Variants in CSGALNACT1 observed in about 807,000 individuals in gnomAD.
The protein encoded by CSGALNACT1 is chondroitin sulfate N-acetylgalactosaminyltransferase 1.
In CSGALNACT1, 52 loss-of-function variants were observed where a neutral mutation model predicts 51.0. That is an observed-to-expected ratio of 1.02 (90% CI 0.82 to 1.29). CSGALNACT1 has a LOEUF of 1.29. CSGALNACT1 is among the 50% of genes most tolerant of loss of function. The pLI is 0.00. For missense variants in CSGALNACT1, 935 were observed against 679.2 expected, an observed-to-expected ratio of 1.38 and a Z score of -4.19; for synonymous variants, 341 against 254.4, an observed-to-expected ratio of 1.34 and a Z score of -3.24.
chr8:19,636,318 G>C (rs1266458364), intron 1 of CSGALNACT1, among the ~76,000 whole-genome samples: 1 of 151,746 alleles, frequency 6.6e-6, no homozygotes, highest in African/African-American at 2.4e-5. Context: ...TCATAGATAA[G>C]TATATATTCA....
intron 1 of CSGALNACT1, among the ~76,000 whole-genome samples, chr8:19,725,280 C>G (rs571687777): frequency 6.6e-6 from 1 of 152,198 alleles, no homozygotes; most frequent in Non-Finnish European, 1.5e-5. Flanking sequence ...GAAGGCATAG[C>G]TATAAGAATC....
chr8:19,706,058 T>C (rs2062145582), intron 1 of CSGALNACT1, among the ~76,000 whole-genome samples: 1 of 152,082 alleles, frequency 6.6e-6, no homozygotes, highest in Non-Finnish European at 1.5e-5. Flanking sequence ...GGAAAAATAC[T>C]AATCAGATCA....
At chr8:19,703,729 G>GC (rs1200415280) in intron 1 of CSGALNACT1, among the ~76,000 whole-genome samples, 2 of 152,188 alleles carry the variant, frequency 1.3e-5, no homozygotes, top group African/African-American at 4.8e-5. Flanking sequence ...CTCATGGTCT[G>GC]CATGTCTCCC....
At chr8:19,595,195 T>C (rs1331573764) in intron 2 of CSGALNACT1, among the ~76,000 whole-genome samples, 3 of 152,172 alleles carry the variant, frequency 2.0e-5, no homozygotes, top group African/African-American at 4.8e-5. Flanking sequence ...TTGTTAACCA[T>C]CCCGTTTTAA....
intron 4 of CSGALNACT1, among the ~76,000 whole-genome samples, chr8:19,483,606 C>T (rs543936144): frequency 6.6e-6 from 1 of 152,292 alleles, no homozygotes; most frequent in South Asian, 2.1e-4. Context: ...CCTTTCCACA[C>T]CCTACAAGAG....
intron 4 of CSGALNACT1, among the ~76,000 whole-genome samples, chr8:19,480,871 C>T (rs976001937): frequency 1.3e-5 from 2 of 152,132 alleles, no homozygotes; most frequent in African/African-American, 4.8e-5. Context: ...TCTTTCTAAA[C>T]AGTTACTCTA....
intron 1 of CSGALNACT1, among the ~76,000 whole-genome samples, chr8:19,634,539 G>A (rs529827621): frequency 5.8e-4 from 88 of 152,262 alleles, no homozygotes; most frequent in African/African-American, 1.8e-3. Flanking sequence ...ATGCACACCG[G>A]TAGTCCCAGC....
At chr8:19,638,136 TCTAGCTTC>T (rs1367664828) in intron 1 of CSGALNACT1, among the ~76,000 whole-genome samples, 14 of 138,150 alleles carry the variant, frequency 1.0e-4, no homozygotes, top group African/African-American at 4.0e-4. Flanking sequence ...GAGACTCATT[TCTAGCTTC>T]CCAGGCCCTC....
intron 6 of CSGALNACT1, among the ~76,000 whole-genome samples, chr8:19,433,665 A>T (rs950779398): frequency 2.6e-5 from 4 of 152,220 alleles, no homozygotes; most frequent in Non-Finnish European, 5.9e-5. Context: ...GGACAGTTCA[A>T]ATAGTGACAA....
intron 1 of CSGALNACT1, among the ~76,000 whole-genome samples, chr8:19,695,129 C>G (rs552333280): frequency 8.0e-4 from 122 of 152,276 alleles, no homozygotes; most frequent in African/African-American, 2.7e-3. Context: ...ACAAAATCTC[C>G]CTACATAATT....
chr8:19,715,019 C>G (rs1211777639), intron 1 of CSGALNACT1, among the ~76,000 whole-genome samples: 1 of 152,080 alleles, frequency 6.6e-6, no homozygotes, highest in African/African-American at 2.4e-5. Context: ...AAAGACATAC[C>G]TAAGACTGGG....
At chr8:19,405,376 T>G (rs758308420) in exon 10 of CSGALNACT1, 1 of 457,612 alleles carries the variant, frequency 2.2e-6, no homozygotes, top group South Asian at 1.5e-5. Flanking sequence ...GCCCTGCTGA[T>G]AGGCTCATTC....
rs545598714 is a variant in CSGALNACT1 at position 19,659,514 on chromosome 8, G to A, written c.-544+22959C>T. ...ACTATTTCCCAGGCATAGAAAATTA[G>A]TCATATGAATCCCCCAGAGTTTCTG... On this transcript the variant is annotated intron_variant, in intron 1 of 9. Transcript: ENST00000332246. Among the ~76,000 whole-genome samples the A allele has an allele frequency of 5.9e-5, 9 of 152,280 alleles. No homozygotes were observed. The South Asian group carries it at 1.9e-3, about 32-fold the overall frequency.
chr8:19,554,736 G>T (rs186720793), intron 3 of CSGALNACT1, among the ~76,000 whole-genome samples: 1 of 152,036 alleles, frequency 6.6e-6, no homozygotes, highest in African/African-American at 2.4e-5. Context: ...TGCCCTACAT[G>T]GTGAAACCCC....
chr8:19,404,762 G>A (rs1311219684), exon 10 of CSGALNACT1: 2 of 454,568 alleles, frequency 4.4e-6, no homozygotes, highest in South Asian at 1.6e-5. Flanking sequence ...AGGAGAAAAT[G>A]TGGTTTCTGA....
In CSGALNACT1 at chr8:19,608,125, C is replaced by T. The variant is rs148626430; in HGVS notation, c.-543-6260G>A. Among the ~76,000 whole-genome samples, 190 of 152,290 alleles carry T rather than the reference C, an allele frequency of 1.2e-3. 3 individuals are homozygous for T. Among genetic ancestry groups the T allele is most frequent in the African/African-American group, 4.3e-3 (180 of 41,552 alleles). ...TCACCTCTCATTGTGGCCTTTCCAT[C>T]GCATAGCTGGCTGAGTTAGGCAGGC... On this transcript the variant is annotated intron_variant, in intron 1 of 9. Transcript: ENST00000332246.
intron 4 of CSGALNACT1, among the ~76,000 whole-genome samples, chr8:19,461,591 G>A (rs76322146): frequency 1.2e-5 from 1 of 82,804 alleles, no homozygotes; most frequent in African/African-American, 4.3e-5. Context: ...CATGGGGGGC[G>A]TATCCGCACA....
chr8:19,577,806 G>A (rs1156295069), intron 3 of CSGALNACT1, among the ~76,000 whole-genome samples: 3 of 152,162 alleles, frequency 2.0e-5, no homozygotes, highest in Non-Finnish European at 2.9e-5. Flanking sequence ...GTCTTTAACT[G>A]TAAAACTGTA....
At chr8:19,405,468 A>C (rs1286305657) in exon 10 of CSGALNACT1, 4 of 533,784 alleles carry the variant, frequency 7.5e-6, no homozygotes, top group South Asian at 6.1e-5. Flanking sequence ...TTCAATGAGC[A>C]CACAAAACAA....
Sources: gnomAD v4.1 joint callset for allele counts (sites outside exome capture counted in the v4.1 genomes callset) on GRCh38, gnomAD v4.1.1 for gene constraint, MANE v1.5 for transcripts, NCBI Gene and HGNC (gene_info 2026-07-23, HGNC 2026-07-21) for gene names.